CABIN1: variants seen among roughly 807,000 people sequenced by gnomAD.
The protein encoded by CABIN1 is calcineurin binding protein 1, also known as calcineurin-binding protein cabin-1.
A neutral mutation model predicts 227.7 loss-of-function variants in CABIN1; 133 were observed. That is an observed-to-expected ratio of 0.58 (90% CI 0.51 to 0.67). The LOEUF (loss-of-function observed/expected upper bound fraction) is 0.67. Among genes scored for constraint, CABIN1 ranks in the 30% least tolerant of loss-of-function variants. The probability of loss-of-function intolerance (pLI) is 0.00; values close to 1 mark genes in which losing one functional copy is unlikely to be tolerated. For synonymous variants in CABIN1, 1,086 were observed against 1,155.1 expected (o/e 0.94, Z 1.21); for missense variants, 2,408 against 2,852.5 (o/e 0.84, Z 3.55).
At chr22:24,046,561 G>A (rs1221155129) in intron 6 of CABIN1, among the ~76,000 whole-genome samples, 1 of 152,100 alleles carries the variant, frequency 6.6e-6, no homozygotes. Flanking sequence ...CTCTCTCATT[G>A]TAGAAGAAGT....
intron 26 of CABIN1, among the ~76,000 whole-genome samples, chr22:24,098,998 G>A (rs2042054370): frequency 6.6e-6 from 1 of 152,142 alleles, no homozygotes; most frequent in Admixed American, 6.5e-5. Context: ...CCCAAGGCAT[G>A]GGGATGCTAG....
At chr22:24,172,138 C>T (rs1424760201) in intron 34 of CABIN1, 143 bp downstream of exon 34, 16 of 976,030 alleles carry the variant, frequency 1.6e-5, no homozygotes, top group Non-Finnish European at 2.0e-5. Context: ...GGCAGGTGAC[C>T]GCGGGTCCAC....
chr22:24,166,319 T>C (rs2046444170), intron 31 of CABIN1, among the ~76,000 whole-genome samples: 1 of 152,200 alleles, frequency 6.6e-6, no homozygotes, highest in African/African-American at 2.4e-5. Context: ...AAAGGGGAGC[T>C]GGGCAATGCT....
intron 15 of CABIN1, among the ~76,000 whole-genome samples, chr22:24,064,870 AT>A (rs1259278986): frequency 6.6e-6 from 1 of 151,778 alleles, no homozygotes. Context: ...AGGCAGAAGA[AT>A]TTTTCTTAGT....
At chr22:24,044,347 G>A (rs377388240) in intron 6 of CABIN1, among the ~76,000 whole-genome samples, 7 of 151,620 alleles carry the variant, frequency 4.6e-5, no homozygotes, top group East Asian at 3.9e-4. Context: ...GTTCCCGTTA[G>A]TCCCCATTAG....
At chr22:24,114,524 A>G (rs2042980300) in intron 27 of CABIN1, among the ~76,000 whole-genome samples, 1 of 152,254 alleles carries the variant, frequency 6.6e-6, no homozygotes, top group Admixed American at 6.5e-5. Flanking sequence ...CACAATGACT[A>G]TTCCCATTTT....
chr22:24,161,049 A>G (rs2046124763), intron 29 of CABIN1, among the ~76,000 whole-genome samples: 1 of 152,188 alleles, frequency 6.6e-6, no homozygotes, highest in African/African-American at 2.4e-5. Context: ...AAGACCACCA[A>G]AGTCTTAAGG....
At chr22:24,038,061 A>G (rs201197425) in intron 3 of CABIN1, among the ~76,000 whole-genome samples, 3 of 152,320 alleles carry the variant, frequency 2.0e-5, no homozygotes, top group East Asian at 3.9e-4. Flanking sequence ...GCACCCTCCC[A>G]GCACCTTGAT....
chr22:24,084,550 A>G (rs4820581), intron 20 of CABIN1, 29 bp from the exon 21 acceptor site: 104,798 of 1,563,452 alleles, frequency 0.067, 3,929 homozygotes, highest in South Asian at 0.11. Context: ...TGAATGTGTT[A>G]CTAATCTGCC....
chr22:24,060,165 T>G (rs754867624), intron 12 of CABIN1, 24 bp downstream of exon 12: 1 of 1,604,944 alleles, frequency 6.2e-7, no homozygotes, highest in Non-Finnish European at 8.5e-7. Flanking sequence ...TCTCAAGGGC[T>G]GGTATTGAAC....
rs1232545045 is a variant in CABIN1 at position 24,083,394 on chromosome 22, G to T, written c.2910+5G>T. 1.2e-6 allele frequency: 2 copies of T among 1,613,730 alleles called. No individual in the cohort carries two copies. Among genetic ancestry groups the T allele is most frequent in the East Asian group, 4.5e-5 (2 of 44,904 alleles). On this transcript the variant is annotated splice_donor_5th_base_variant and intron_variant, in intron 20 of 36. Transcript: ENST00000263119. ...GAGGAACACTCGGCCCAGCAGGTGAGGGTGCTGCAATAGGCCCAACAAAGA... is the reference window on the plus strand; with the variant it reads ...GAGGAACACTCGGCCCAGCAGGTGATGGTGCTGCAATAGGCCCAACAAAGA...
intron 22 of CABIN1, 127 bp from the exon 23 acceptor site, chr22:24,087,325 G>A: frequency 8.4e-7 from 1 of 1,188,522 alleles, no homozygotes; most frequent in African/African-American, 1.5e-5. Context: ...TGGCAGAGTT[G>A]GGCTCTGAGC....
intron 24 of CABIN1, among the ~76,000 whole-genome samples, chr22:24,094,215 A>AACCT (rs2041735537): frequency 6.6e-6 from 1 of 152,170 alleles, no homozygotes; most frequent in Admixed American, 6.5e-5. Context: ...GAAGCCACTG[A>AACCT]ACCTACGTGT....
intron 27 of CABIN1, among the ~76,000 whole-genome samples, chr22:24,115,959 C>G (rs1421284117): frequency 6.6e-6 from 1 of 152,244 alleles, no homozygotes; most frequent in Non-Finnish European, 1.5e-5. Flanking sequence ...CGAGGGAAAG[C>G]AGAAACAGAT....
chr22:24,032,874 C>T (rs1360047376), intron 1 of CABIN1, among the ~76,000 whole-genome samples: 3 of 152,056 alleles, frequency 2.0e-5, no homozygotes, highest in Non-Finnish European at 4.4e-5. Flanking sequence ...GTCAGGAATT[C>T]GAGACCAGCC....
At chr22:24,062,865 G>T (rs1014508696) in intron 13 of CABIN1, 94 bp from the exon 14 acceptor site, 1 of 1,191,434 alleles carries the variant, frequency 8.4e-7, no homozygotes, top group African/African-American at 1.5e-5. Flanking sequence ...TGGAGATAGG[G>T]TGGGTGTGGT....
intron 29 of CABIN1, among the ~76,000 whole-genome samples, chr22:24,153,756 A>C (rs1381838961): frequency 6.6e-6 from 1 of 152,162 alleles, no homozygotes; most frequent in Non-Finnish European, 1.5e-5. Context: ...AGGAAGCTGG[A>C]ACCCACAAGG....
At chr22:24,064,241 T>G in intron 15 of CABIN1, 54 bp downstream of exon 15, 1 of 1,596,100 alleles carries the variant, frequency 6.3e-7, no homozygotes. Context: ...GTTTCACTTT[T>G]GTCGCCTAGG....
At chr22:24,030,353 G>T (rs554190549) in intron 1 of CABIN1, among the ~76,000 whole-genome samples, 1 of 152,304 alleles carries the variant, frequency 6.6e-6, no homozygotes, top group South Asian at 2.1e-4. Flanking sequence ...CTTTGGGCAG[G>T]TCAGCTAGTC....
Sources: allele counts gnomAD v4.1 joint callset (sites outside exome capture counted in the v4.1 genomes callset), GRCh38; gene constraint gnomAD v4.1.1; transcripts MANE v1.5; gene names NCBI Gene and HGNC (gene_info 2026-07-23, HGNC 2026-07-21).